The following SLC35D4 variants were observed in gnomAD, a reference collection of about 807,000 sequenced individuals.
The protein encoded by SLC35D4 is UDP-N-acetylglucosamine transporter SLC35D4.
chr18:23,270,953 T>C, the SLC35D4 span, among the ~76,000 whole-genome samples: 2 of 152,326 alleles, frequency 1.3e-5, no homozygotes, highest in Admixed American at 6.5e-5. Flanking sequence ...AAGGCATGAT[T>C]GGTTTTGAAA....
At chr18:23,401,719 TAAGGTCAGC>T in the SLC35D4 span, among the ~76,000 whole-genome samples, 2 of 152,178 alleles carry the variant, frequency 1.3e-5, no homozygotes, top group African/African-American at 2.4e-5. Flanking sequence ...CTTTGGAATG[TAAGGTCAGC>T]GAGGCCCCAG....
the SLC35D4 span, among the ~76,000 whole-genome samples, chr18:23,358,105 G>C: frequency 2.0e-5 from 3 of 152,202 alleles, no homozygotes; most frequent in Non-Finnish European, 4.4e-5. Flanking sequence ...CTCCATTCAG[G>C]CAAAGTGGAG....
the SLC35D4 span, among the ~76,000 whole-genome samples, chr18:23,311,770 A>G: frequency 6.6e-6 from 1 of 152,126 alleles, no homozygotes; most frequent in Non-Finnish European, 1.5e-5. Context: ...TTGAAGAAAT[A>G]TTTTACATTG....
chr18:23,291,346 G>A, the SLC35D4 span, among the ~76,000 whole-genome samples: 23 of 152,338 alleles, frequency 1.5e-4, no homozygotes, highest in Admixed American at 4.6e-4. Context: ...AGGGCAGGAC[G>A]GTGGGCCTCA....
At chr18:23,247,102 T>C in the SLC35D4 span, among the ~76,000 whole-genome samples, 1 of 152,220 alleles carries the variant, frequency 6.6e-6, no homozygotes, top group Non-Finnish European at 1.5e-5. Flanking sequence ...GCTGTGGTAA[T>C]CCCACTGCCG....
chr18:23,355,675 G>C, the SLC35D4 span, among the ~76,000 whole-genome samples: 1 of 147,898 alleles, frequency 6.8e-6, no homozygotes, highest in Non-Finnish European at 1.5e-5. Flanking sequence ...ACATTGTAAA[G>C]AATCACTGCT....
At chr18:23,380,710 A>T in the SLC35D4 span, among the ~76,000 whole-genome samples, 1 of 152,124 alleles carries the variant, frequency 6.6e-6, no homozygotes, top group Non-Finnish European at 1.5e-5. Flanking sequence ...CTAATATTAA[A>T]CTATAATAAA....
the SLC35D4 span, chr18:23,295,947 C>T: frequency 6.6e-6 from 1 of 152,078 alleles, no homozygotes; most frequent in African/African-American, 2.4e-5. Context: ...CTATTAGGAA[C>T]AGAAATATTT....
the SLC35D4 span, among the ~76,000 whole-genome samples, chr18:23,359,383 C>CA: frequency 0.35 from 32,466 of 92,426 alleles, 5,295 homozygotes; most frequent in African/African-American, 0.5. Context: ...GACTCCATCT[C>CA]AAAAAAAAAA....
the SLC35D4 span, among the ~76,000 whole-genome samples, chr18:23,310,560 GA>G: frequency 4.9e-4 from 74 of 152,262 alleles, no homozygotes; most frequent in African/African-American, 1.7e-3. Flanking sequence ...CTTCCATGGG[GA>G]AGGTAAGCTT....
the SLC35D4 span, among the ~76,000 whole-genome samples, chr18:23,362,115 A>G: frequency 6.6e-6 from 1 of 152,228 alleles, no homozygotes; most frequent in Non-Finnish European, 1.5e-5. Context: ...GTATTTTTGT[A>G]TTGACCTAAA....
At chr18:23,281,634 T>C in the SLC35D4 span, among the ~76,000 whole-genome samples, 16 of 152,200 alleles carry the variant, frequency 1.1e-4, no homozygotes, top group African/African-American at 3.9e-4. Context: ...GCCAAAGCTG[T>C]TATTTTTTAA....
the SLC35D4 span, among the ~76,000 whole-genome samples, chr18:23,423,286 T>C: frequency 9.8e-5 from 15 of 152,362 alleles, no homozygotes; most frequent in South Asian, 4.1e-4. Context: ...ACATATCCTG[T>C]GTGAAGTTTC....
chr18:23,248,538 T>A, the SLC35D4 span, among the ~76,000 whole-genome samples: 2,024 of 93,492 alleles, frequency 0.022, 19 homozygotes, highest in South Asian at 0.033. Context: ...TTTTTTTTTT[T>A]AAAAAAAGGC....
At chr18:23,288,455 A>G in the SLC35D4 span, among the ~76,000 whole-genome samples, 23 of 152,058 alleles carry the variant, frequency 1.5e-4, no homozygotes, top group Non-Finnish European at 3.2e-4. Context: ...AAGCCCAGGG[A>G]TTTGCCCCTG....
At chr18:23,306,480 AT>A in the SLC35D4 span, among the ~76,000 whole-genome samples, 1 of 151,918 alleles carries the variant, frequency 6.6e-6, no homozygotes, top group Non-Finnish European at 1.5e-5. Context: ...CTAATTTTGT[AT>A]TTTTAGTAGA....
chr18:23,390,341 G>A, the SLC35D4 span, among the ~76,000 whole-genome samples: 1 of 152,178 alleles, frequency 6.6e-6, no homozygotes, highest in Non-Finnish European at 1.5e-5. Flanking sequence ...TTTCATCAGG[G>A]AAAATGGCAC....
At chr18:23,323,629 G>A in the SLC35D4 span, among the ~76,000 whole-genome samples, 237 of 152,230 alleles carry the variant, frequency 1.6e-3, 4 homozygotes, top group East Asian at 0.036. Flanking sequence ...CTCTTGCCAC[G>A]CAACCTATTT....
the SLC35D4 span, among the ~76,000 whole-genome samples, chr18:23,385,238 C>A: frequency 6.6e-6 from 1 of 152,240 alleles, no homozygotes; most frequent in Non-Finnish European, 1.5e-5. Context: ...TGCAGTATTT[C>A]TCTGTAGGTG....
Sources: allele counts gnomAD v4.1 joint callset (sites outside exome capture counted in the v4.1 genomes callset), GRCh38; gene constraint gnomAD v4.1.1; transcripts MANE v1.5; gene names NCBI Gene and HGNC (gene_info 2026-07-23, HGNC 2026-07-21).